CFAP221: variants seen among roughly 807,000 people sequenced by gnomAD.
The protein encoded by CFAP221 is cilia- and flagella-associated protein 221.
In CFAP221, 97 loss-of-function variants were observed where a neutral mutation model predicts 113.1. The ratio of observed to expected loss-of-function variants is 0.86; its 90% CI spans 0.73 to 1.02. The LOEUF (loss-of-function observed/expected upper bound fraction) is 1.02. Ranked by LOEUF, CFAP221 falls within the 50% of genes least tolerant of loss-of-function variation. The probability of loss-of-function intolerance (pLI) is 0.00; values close to 1 mark genes in which losing one functional copy is unlikely to be tolerated. For missense variants in CFAP221, 1,025 were observed against 1,013.4 expected, an observed-to-expected ratio of 1.01 and a Z score of -0.16; for synonymous variants, 331 against 354.4, an observed-to-expected ratio of 0.93 and a Z score of 0.74.
chr2:119,565,179 C>G (rs1196622052), intron 6 of CFAP221, among the ~76,000 whole-genome samples: 4 of 152,162 alleles, frequency 2.6e-5, no homozygotes, highest in Non-Finnish European at 4.4e-5. Context: ...ACTCACCAAC[C>G]CTTCCTGTGT....
intron 3 of CFAP221, chr2:119,556,859 T>G (rs1406220654): frequency 6.6e-6 from 1 of 152,134 alleles, no homozygotes; most frequent in Non-Finnish European, 1.5e-5. Flanking sequence ...GCCCTCCTAT[T>G]GCAAATTTTT....
rs773591253 is a variant in CFAP221 at position 119,639,847 on chromosome 2, C to T, written c.2200C>T (p.Pro734Ser). ...QSLVLSSLPDPSKMETTKSCD... is the reference protein window; with the variant it reads ...QSLVLSSLPDSSKMETTKSCD... ...CCTGGTTCTCTCCTCCCTGCCGGAC[C>T]CCTCCAAGATGGAGACCACAAAGAG... is the stretch of plus-strand genomic sequence containing the variant. The change falls in exon 21 of 24, where the codon CCC becomes TCC. Residue 734 changes from proline to serine, a missense_variant. Physicochemically the swap from Pro to Ser is moderately conservative, Grantham distance 74 (BLOSUM62 -1). Transcript: ENST00000413369. 54 of 1,613,954 alleles carry T rather than the reference C, an allele frequency of 3.3e-5. 1 individual carries two copies. In the South Asian group the frequency reaches 5.4e-4, roughly 16 times the overall value.
At chr2:119,630,703 C>G (rs753977322) in intron 18 of CFAP221, 26 bp downstream of exon 18, 11 of 1,604,464 alleles carry the variant, frequency 6.9e-6, no homozygotes, top group Non-Finnish European at 8.5e-6. Flanking sequence ...CTTCCAGAAT[C>G]TCTCTCATCT....
chr2:119,659,324 C>A (rs562698429), downstream of CFAP221, among the ~76,000 whole-genome samples: 2 of 152,214 alleles, frequency 1.3e-5, no homozygotes, highest in East Asian at 3.8e-4. Context: ...CTGTTGCTTT[C>A]TTTGTCTCCT....
chr2:119,594,357 C>A (rs149697012), intron 7 of CFAP221, among the ~76,000 whole-genome samples: 38 of 152,076 alleles, frequency 2.5e-4, no homozygotes, highest in Admixed American at 1.7e-3. Context: ...TGCCTCAGCC[C>A]CCTGAGTAGC....
At chr2:119,634,117 T>C (rs779988255) in intron 19 of CFAP221, among the ~76,000 whole-genome samples, 14 of 151,946 alleles carry the variant, frequency 9.2e-5, no homozygotes, top group Non-Finnish European at 1.8e-4. Flanking sequence ...CGAATAATAA[T>C]AATAATAACA....
chr2:119,553,189 G>A (rs1289353085), intron 3 of CFAP221, among the ~76,000 whole-genome samples: 1 of 152,178 alleles, frequency 6.6e-6, no homozygotes, highest in Non-Finnish European at 1.5e-5. Flanking sequence ...TCTGTAGGAG[G>A]GTGTTGGAGG....
chr2:119,587,043 C>A, intron 6 of CFAP221, 76 bp from the exon 7 acceptor site: 1 of 1,097,540 alleles, frequency 9.1e-7, no homozygotes, highest in Non-Finnish European at 1.3e-6. Flanking sequence ...TAACTTGAGT[C>A]TCCATTCCTT....
chr2:119,651,492 CG>C (rs1688126338), intron 22 of CFAP221, among the ~76,000 whole-genome samples: 1 of 8,222 alleles, frequency 1.2e-4, no homozygotes, highest in African/African-American at 1.9e-4. Context: ...ACAAAAAGAT[CG>C]AAAAAAAAAA....
intron 6 of CFAP221, chr2:119,573,334 A>G (rs1204117639): frequency 6.6e-6 from 1 of 152,168 alleles, no homozygotes; most frequent in African/African-American, 2.4e-5. Context: ...CAGCTTGTCA[A>G]GGGAAACACT....
chr2:119,650,502 T>C (rs761811009), intron 22 of CFAP221, among the ~76,000 whole-genome samples: 4 of 152,244 alleles, frequency 2.6e-5, no homozygotes, highest in Non-Finnish European at 5.9e-5. Flanking sequence ...GTGCACACTA[T>C]TTTGACTCCG....
At chr2:119,587,360 G>A (rs1683296005) in intron 7 of CFAP221, 138 bp downstream of exon 7, 12 of 492,028 alleles carry the variant, frequency 2.4e-5, no homozygotes, top group South Asian at 1.4e-4. Context: ...TCAGAATAAC[G>A]ACACTTTGGG....
chr2:119,607,440 AATC>A (rs10618610), intron 11 of CFAP221, among the ~76,000 whole-genome samples: 107,080 of 151,908 alleles, frequency 0.7, 40,122 homozygotes, highest in South Asian at 0.84. Context: ...CCACTTTAAA[AATC>A]ATAACTATTA....
intron 21 of CFAP221, among the ~76,000 whole-genome samples, chr2:119,646,285 A>G (rs1478393256): frequency 6.6e-6 from 1 of 152,202 alleles, no homozygotes; most frequent in African/African-American, 2.4e-5. Flanking sequence ...TGAGTAATTT[A>G]TAAAGAAAAG....
At chr2:119,631,140 A>G (rs979392319) in intron 19 of CFAP221, 12 of 1,085,346 alleles carry the variant, frequency 1.1e-5, no homozygotes, top group African/African-American at 8.1e-5. Context: ...CTAAATATCT[A>G]TAATATGTAC....
chr2:119,567,842 T>G (rs1681759155), intron 6 of CFAP221, among the ~76,000 whole-genome samples: 1 of 152,224 alleles, frequency 6.6e-6, no homozygotes, highest in South Asian at 2.1e-4. Flanking sequence ...GCCCTTGTAC[T>G]TTGGTTCTCT....
chr2:119,584,669 A>G (rs1683086768), intron 6 of CFAP221, among the ~76,000 whole-genome samples: 1 of 152,236 alleles, frequency 6.6e-6, no homozygotes, highest in Non-Finnish European at 1.5e-5. Context: ...TGCACAGGCA[A>G]TTCACAGGAG....
intron 14 of CFAP221, 118 bp downstream of exon 14, chr2:119,615,827 C>T (rs1222438823): frequency 2.8e-6 from 2 of 720,562 alleles, no homozygotes; most frequent in Admixed American, 3.3e-5. Context: ...ATAAAATTCA[C>T]CCTTGTAAAA....
chr2:119,606,440 C>T (rs1684771559), intron 11 of CFAP221, among the ~76,000 whole-genome samples: 1 of 152,090 alleles, frequency 6.6e-6, no homozygotes, highest in Non-Finnish European at 1.5e-5. Context: ...CCGGGCTGCT[C>T]CCCTGTCTCT....
Sources: gnomAD v4.1 joint callset for allele counts (sites outside exome capture counted in the v4.1 genomes callset) on GRCh38, gnomAD v4.1.1 for gene constraint, MANE v1.5 for transcripts, NCBI Gene and HGNC (gene_info 2026-07-23, HGNC 2026-07-21) for gene names.